The following TRPM7 variants were observed in gnomAD, a reference collection of about 807,000 sequenced individuals.
TRPM7 encodes transient receptor potential cation channel subfamily M member 7, also known as LTRPC ion channel family member 7.
Under a neutral mutation model 229.7 loss-of-function variants are expected in TRPM7, and 134 were observed. The observed-to-expected ratio is 0.58, with a 90% CI of 0.51 to 0.67. The LOEUF (loss-of-function observed/expected upper bound fraction) is 0.67, where lower values mean the gene tolerates loss of function less well. Among genes scored for constraint, TRPM7 ranks in the 30% least tolerant of loss-of-function variants. The probability of loss-of-function intolerance (pLI) is 0.00; values close to 1 mark genes in which losing one functional copy is unlikely to be tolerated. For synonymous variants in TRPM7, 699 were observed against 715.2 expected, an observed-to-expected ratio of 0.98 and a Z score of 0.36; for missense variants, 1,901 against 2,210.0, an observed-to-expected ratio of 0.86 and a Z score of 2.80.
At chr15:50,571,580 A>C (rs372277047) in intron 36 of TRPM7, among the ~76,000 whole-genome samples, 1 of 61,072 alleles carries the variant, frequency 1.6e-5, no homozygotes, top group Admixed American at 2.5e-4. Context: ...AAAAAAGTGG[A>C]AAAAAAAAAA....
intron 13 of TRPM7, among the ~76,000 whole-genome samples, chr15:50,614,681 A>G (rs1481132155): frequency 3.3e-5 from 4 of 121,816 alleles, no homozygotes; most frequent in African/African-American, 8.0e-5. Context: ...AAAAAAAAAA[A>G]AAAAAAAAAG....
At chr15:50,664,720 A>G (rs1455523731) in intron 1 of TRPM7, among the ~76,000 whole-genome samples, 1 of 152,076 alleles carries the variant, frequency 6.6e-6, no homozygotes, top group Non-Finnish European at 1.5e-5. Flanking sequence ...TAACCCCAGC[A>G]CTCTGGGAGG....
chr15:50,579,962 T>C (rs1040239629), intron 30 of TRPM7, among the ~76,000 whole-genome samples: 2 of 152,048 alleles, frequency 1.3e-5, no homozygotes, highest in Admixed American at 6.6e-5. Flanking sequence ...AATTTAGAGA[T>C]GGGGTCTCAC....
chr15:50,573,066 T>C (rs2053964479), intron 36 of TRPM7, among the ~76,000 whole-genome samples: 1 of 152,228 alleles, frequency 6.6e-6, no homozygotes. Flanking sequence ...CTTTTTTTTC[T>C]TTCATATATA....
intron 28 of TRPM7, among the ~76,000 whole-genome samples, 154 bp downstream of exon 28, chr15:50,586,238 G>A (rs570301458): frequency 2.6e-5 from 4 of 152,248 alleles, no homozygotes; most frequent in Admixed American, 2.0e-4. Context: ...CTAGGATTAC[G>A]ACTTATTCAA....
intron 22 of TRPM7, 90 bp from the exon 23 acceptor site, chr15:50,596,471 T>C: frequency 9.5e-7 from 1 of 1,056,438 alleles, no homozygotes; most frequent in Non-Finnish European, 1.3e-6. Flanking sequence ...TGGTTATTTA[T>C]TTACTTAAAG....
At position 50,592,630 on chromosome 15, in the gene TRPM7, T is replaced by C; in HGVS notation, c.3609-4A>G. On this transcript the variant is annotated splice_region_variant and splice_polypyrimidine_tract_variant and intron_variant, in intron 25 of 38. Coordinates refer to ENST00000646667, the MANE Select transcript of TRPM7 (RefSeq NM_017672.6). Reference sequence around the variant, plus strand: ...CTGAATGCACATCTGTTCCACTCTGTAGGAGAGAAATAAGCTTTTTTTACA... The same window carrying C: ...CTGAATGCACATCTGTTCCACTCTGCAGGAGAGAAATAAGCTTTTTTTACA... The C allele has an allele frequency of 6.6e-7, 1 of 1,516,656 alleles. No homozygotes were observed. Among genetic ancestry groups the C allele is most frequent in the Non-Finnish European group, 8.8e-7 (1 of 1,133,038 alleles). The allele number at this position is 1,516,656 out of a possible 1,614,324, so 93.9% of individuals were successfully genotyped here. A position where few individuals can be genotyped will look rare whatever the true frequency, so the allele number is the denominator to read the frequency against.
chr15:50,568,341 A>G (rs1293951178), intron 38 of TRPM7, among the ~76,000 whole-genome samples: 1 of 152,042 alleles, frequency 6.6e-6, no homozygotes, highest in Non-Finnish European at 1.5e-5. Context: ...AGATACACAG[A>G]AAGAAACTGT....
At chr15:50,671,804 GA>G (rs908226837) in intron 1 of TRPM7, among the ~76,000 whole-genome samples, 5 of 147,462 alleles carry the variant, frequency 3.4e-5, no homozygotes, top group South Asian at 2.1e-4. Context: ...AACTTGTCTC[GA>G]AAAAAAAAAA....
intron 1 of TRPM7, among the ~76,000 whole-genome samples, chr15:50,665,357 G>A (rs1214401325): frequency 6.6e-6 from 1 of 150,520 alleles, no homozygotes; most frequent in Non-Finnish European, 1.5e-5. Context: ...TCATGCCACT[G>A]CACTCCAGCC....
intron 13 of TRPM7, among the ~76,000 whole-genome samples, chr15:50,616,138 A>T (rs953371649): frequency 6.6e-6 from 1 of 152,150 alleles, no homozygotes; most frequent in African/African-American, 2.4e-5. Flanking sequence ...TTGAAGAAGA[A>T]ATTTTTAAAT....
In TRPM7 at chr15:50,592,232, G is replaced by T; in HGVS notation, c.4003C>A (p.Pro1335Thr). ...PQCNIFGQDL[P>T]AVPQRKEFNF... ...AATTCTTTTCTCTGGGGTACTGCAG[G>T]TAAGTCTTGACCAAATATATTACAC... Residue 1335 changes from proline to threonine, a missense_variant, in exon 26 of 39, where the codon CCT becomes ACT. Coordinates refer to ENST00000646667, the MANE Select transcript of TRPM7 (RefSeq NM_017672.6). 1 of 1,614,154 alleles carries T rather than the reference G, an allele frequency of 6.2e-7. No individual in the cohort carries two copies. Among genetic ancestry groups the T allele is most frequent in the South Asian group, 1.1e-5 (1 of 91,080 alleles).
Position 50,611,144 on chromosome 15 carries a change from TAAC to T in TRPM7, c.2226_2228del (p.Leu743del). On this transcript the variant is annotated inframe_deletion, in exon 17 of 39. Transcript: ENST00000646667. Reference sequence around the variant, plus strand: ...TCAGCCTTCCCATCCACATATCAGATAACAACATTTGTGTACAGGTGTGAGCTA... The same window carrying T: ...TCAGCCTTCCCATCCACATATCAGATAACATTTGTGTACAGGTGTGAGCTA... 3 of 1,613,950 alleles carry T rather than the reference TAAC, an allele frequency of 1.9e-6. No individual in the cohort carries two copies. The highest frequency in any genetic ancestry group is 2.5e-6 in the Non-Finnish European group (3 of 1,179,898).
At chr15:50,680,152 T>A (rs934234173) in intron 1 of TRPM7, among the ~76,000 whole-genome samples, 2 of 152,024 alleles carry the variant, frequency 1.3e-5, no homozygotes, top group Non-Finnish European at 2.9e-5. Context: ...GAGAATCACT[T>A]GAACCCGGGA....
intron 21 of TRPM7, 117 bp from the exon 22 acceptor site, chr15:50,599,413 T>C (rs1396899276): frequency 3.0e-5 from 19 of 640,858 alleles, no homozygotes; most frequent in Admixed American, 1.9e-4. Flanking sequence ...AAAAAATCTT[T>C]GAGATTCTTT....
intron 1 of TRPM7, among the ~76,000 whole-genome samples, chr15:50,674,249 A>C (rs1596346818): frequency 6.6e-6 from 1 of 152,304 alleles, no homozygotes; most frequent in East Asian, 1.9e-4. Flanking sequence ...TCGGCCTCCC[A>C]AAGTGCTAGG....
In TRPM7 at chr15:50,686,660, G is replaced by A. The variant is rs1391774569; in HGVS notation, c.-127C>T. 54 of 1,364,780 alleles carry A rather than the reference G, an allele frequency of 4.0e-5. 1 individual carries two copies. The highest frequency in any genetic ancestry group is 3.0e-5 in the Non-Finnish European group (30 of 1,005,470). 84.5% of individuals were successfully genotyped at this position (1,364,780 alleles called of 1,614,324 possible). A position where few individuals can be genotyped will look rare whatever the true frequency, so the allele number is the denominator to read the frequency against. On this transcript the variant is annotated 5_prime_UTR_variant, in exon 1 of 39. Transcript: ENST00000646667. ...GGCCGCCGGACAAGGAACGCCCAGG[G>A]AAACCTTCTCAGAACTAACTCAGCT...
intron 28 of TRPM7, 73 bp downstream of exon 28, chr15:50,586,319 G>T (rs879897464): frequency 1.8e-5 from 19 of 1,051,098 alleles, no homozygotes; most frequent in Admixed American, 8.0e-5. Context: ...TCATGTGTTT[G>T]ACAAACATAA....
intron 1 of TRPM7, among the ~76,000 whole-genome samples, chr15:50,682,796 T>C (rs1230026979): frequency 1.3e-5 from 2 of 152,200 alleles, no homozygotes; most frequent in Non-Finnish European, 2.9e-5. Context: ...CTTAAGTTCT[T>C]TTTACTGATT....
Sources: allele counts gnomAD v4.1 joint callset (sites outside exome capture counted in the v4.1 genomes callset), GRCh38; gene constraint gnomAD v4.1.1; transcripts MANE v1.5; gene names NCBI Gene and HGNC (gene_info 2026-07-23, HGNC 2026-07-21).